Variants in MMP2 observed in about 807,000 individuals in gnomAD.
MMP2 encodes the protein matrix metallopeptidase 2.
A neutral mutation model predicts 74.8 loss-of-function variants in MMP2; 39 were observed. That is an observed-to-expected ratio of 0.52 (90% confidence interval 0.40 to 0.68). The LOEUF (loss-of-function observed/expected upper bound fraction) is 0.68, where lower values mean the gene tolerates loss of function less well. Ranked by LOEUF, MMP2 falls within the 30% of genes least tolerant of loss-of-function variation. The pLI is 0.00. For synonymous variants in MMP2, 367 were observed against 339.8 expected, an observed-to-expected ratio of 1.08 and a Z score of -0.88; for missense variants, 803 against 878.3, an observed-to-expected ratio of 0.91 and a Z score of 1.08.
chr16:55,491,742 G>T, intron 7 of MMP2, 59 bp from the exon 8 acceptor site: 6 of 1,601,962 alleles, frequency 3.7e-6, no homozygotes, highest in South Asian at 2.2e-5. Flanking sequence ...GTCAGGTCTT[G>T]ACTTCTCTCT....
At chr16:55,491,372 G>A (rs1275522610) in intron 7 of MMP2, among the ~76,000 whole-genome samples, 1 of 152,080 alleles carries the variant, frequency 6.6e-6, no homozygotes, top group African/African-American at 2.4e-5. Flanking sequence ...GGCAACATGG[G>A]GCCAGCCTAT....
intron 2 of MMP2, 41 bp from the exon 3 acceptor site, chr16:55,483,975 G>A (rs865095): frequency 4.5e-5 from 72 of 1,605,720 alleles, no homozygotes; most frequent in Non-Finnish European, 6.1e-5. Context: ...ATACACTTAT[G>A]CACATGCATA....
At chr16:55,497,141 C>G in intron 10 of MMP2, 79 bp downstream of exon 10, 2 of 1,592,876 alleles carry the variant, frequency 1.3e-6, no homozygotes, top group Non-Finnish European at 1.7e-6. Context: ...CAGGCTCACT[C>G]CCCCTCTCAA....
At position 55,489,731 on chromosome 16, in the gene MMP2, T is replaced by A; in HGVS notation, c.1087T>A (p.Cys363Ser). ...TTTCCTGGGCAACAAATATGAGAGC[T>A]GCACCAGCGCCGGCCGCAGTGACGG... ...FTFLGNKYES[C>S]TSAGRSDGKM... is the part of the protein sequence containing the mutation. The change falls in exon 7 of 13, where the codon TGC (cysteine) becomes AGC (serine). Residue 363 changes from cysteine (C) to serine (S), a missense_variant. Around this residue, in one of 3 missense-constraint regions of MMP2, gnomAD observed 555 missense variants for 592.0 expected, o/e 0.94. Coordinates refer to ENST00000219070, the MANE Select transcript of MMP2 (RefSeq NM_004530.6). 2 of 1,614,150 alleles carry A rather than the reference T, an allele frequency of 1.2e-6. No individual in the cohort carries two copies. The highest frequency in any genetic ancestry group is 1.1e-5 in the South Asian group (1 of 91,088).
At chr16:55,486,961 G>A (rs1402671916) in intron 5 of MMP2, 2 of 152,160 alleles carry the variant, frequency 1.3e-5, no homozygotes, top group African/African-American at 4.8e-5. Flanking sequence ...TACTACCAGA[G>A]CTAAACTTTA....
Position 55,483,152 on chromosome 16 carries a change from T to TG in MMP2, c.380+21dup. The TG allele has an allele frequency of 6.2e-7, 1 of 1,606,228 alleles. No individual in the cohort carries two copies. The highest frequency in any genetic ancestry group is 8.5e-7 in the Non-Finnish European group (1 of 1,173,592). On this transcript the variant is annotated intron_variant, in intron 2 of 12. Transcript: ENST00000219070. Reference sequence around the variant, plus strand: ...CACATACAGGTGCCGGGGCAGGGCTTGGGGAGGCAGGGCCATGGGGCTGAG... The same window carrying TG: ...CACATACAGGTGCCGGGGCAGGGCTTGGGGGAGGCAGGGCCATGGGGCTGAG...
intron 7 of MMP2, 71 bp downstream of exon 7, chr16:55,489,895 T>G: frequency 6.5e-7 from 1 of 1,528,298 alleles, no homozygotes; most frequent in African/African-American, 1.4e-5. Flanking sequence ...CCAAAAACCT[T>G]CCTGAGACCT....
At chr16:55,483,275 G>A (rs974990636) in intron 2 of MMP2, 140 bp downstream of exon 2, 15 of 663,184 alleles carry the variant, frequency 2.3e-5, no homozygotes, top group African/African-American at 2.2e-4. Context: ...TCAATACACA[G>A]TTCTTAGAAA....
intron 7 of MMP2, among the ~76,000 whole-genome samples, chr16:55,490,210 T>G (rs1178897637): frequency 6.6e-6 from 1 of 152,162 alleles, no homozygotes; most frequent in Non-Finnish European, 1.5e-5. Context: ...GAGACAATTC[T>G]CCTAAGAGAC....
At chr16:55,498,491 G>A (rs764671617) in intron 11 of MMP2, 43 bp downstream of exon 11, 8 of 1,613,328 alleles carry the variant, frequency 5.0e-6, no homozygotes, top group Admixed American at 3.3e-5. Context: ...AGTTGGCTGC[G>A]AGAGACAGAG....
chr16:55,497,938 G>A (rs1417052452), intron 10 of MMP2, among the ~76,000 whole-genome samples: 3 of 152,304 alleles, frequency 2.0e-5, no homozygotes, highest in South Asian at 2.1e-4. Flanking sequence ...CCAATCCACC[G>A]TAATCATGGG....
In MMP2 at chr16:55,505,400, C is replaced by T. The variant is rs112831239; in HGVS notation, c.1941C>T (p.Ser647=). ...AGCTGGAGAACCAAAGTCTGAAGAGCGTGAAGTTTGGAAGCATCAAATCCG... is the reference window on the plus strand; with the variant it reads ...AGCTGGAGAACCAAAGTCTGAAGAGTGTGAAGTTTGGAAGCATCAAATCCG... ...YLKLENQSLK[S]VKFGSIKSDW... The change falls in exon 13 of 13, where the codon AGC becomes AGT. Residue 647 remains serine, a synonymous_variant. Coordinates refer to ENST00000219070, the MANE Select transcript of MMP2 (RefSeq NM_004530.6). 3.9e-5 allele frequency: 63 copies of T among 1,614,096 alleles called. No homozygotes were observed. The highest frequency in any genetic ancestry group is 2.5e-4 in the African/African-American group (19 of 75,030).
At chr16:55,485,925 CCCCATCCTGAT>C in intron 5 of MMP2, 148 bp downstream of exon 5, 1 of 787,558 alleles carries the variant, frequency 1.3e-6, no homozygotes, top group Non-Finnish European at 2.1e-6. Context: ...CTCAGTTCCC[CCCCATCCTGAT>C]CTGAGCCATT....
chr16:55,479,599 T>G lies in MMP2; in HGVS notation c.120T>G (p.Asp40Glu). The G allele has an allele frequency of 6.2e-7, 1 of 1,613,746 alleles. No individual in the cohort carries two copies. Among genetic ancestry groups the G allele is most frequent in the African/African-American group, 1.3e-5 (1 of 75,060 alleles). The part of the protein sequence containing the change: ...APSPIIKFPG[D>E]VAPKTDKELA... ...CGCCCATCATCAAGTTCCCCGGCGA[T>G]GTCGCCCCCAAAACGGACAAAGAGT... Residue 40 changes from aspartate to glutamate, a missense_variant, in exon 1 of 13, where the codon GAT becomes GAG. Physicochemically the swap from Asp to Glu is conservative, Grantham distance 45 (BLOSUM62 2). This residue lies in a region of MMP2 where 223 missense variants were observed against 232.8 expected (regional missense o/e 0.96). Transcript: ENST00000219070.
rs932922938 is a variant in MMP2, at chr16:55,506,251, T to G, written c.*809T>G. The G allele has an allele frequency of 3.3e-5, 5 of 152,192 alleles. No individual in the cohort carries two copies. Among genetic ancestry groups the G allele is most frequent in the African/African-American group, 1.2e-4 (5 of 41,418 alleles). 9.4% of individuals were successfully genotyped at this position (152,192 alleles called of 1,614,324 possible). ...ACCTACTGAGTGGCCGTGTTTGCCA[T>G]CTGTTTTAGCAGAGCCTAGACAAGG... On this transcript the variant is annotated 3_prime_UTR_variant, in exon 13 of 13. Coordinates refer to ENST00000219070, the MANE Select transcript of MMP2 (RefSeq NM_004530.6).
intron 11 of MMP2, among the ~76,000 whole-genome samples, chr16:55,500,492 CAT>C (rs1962640163): frequency 1.6e-5 from 2 of 121,488 alleles, no homozygotes; most frequent in Non-Finnish European, 3.6e-5. Flanking sequence ...CGCATGTGCG[CAT>C]ACACACACAC....
chr16:55,493,764 A>C (rs534946560), intron 9 of MMP2, among the ~76,000 whole-genome samples: 46 of 152,374 alleles, frequency 3.0e-4, no homozygotes, highest in Non-Finnish European at 6.0e-4. Flanking sequence ...GCATAATCCT[A>C]AAATCAAAAT....
chr16:55,505,863 G>A lies in MMP2; in HGVS notation c.*421G>A, dbSNP rs1962788961. On this transcript the variant is annotated 3_prime_UTR_variant, in exon 13 of 13. Coordinates refer to ENST00000219070, the MANE Select transcript of MMP2 (RefSeq NM_004530.6). Reference sequence around the variant, plus strand: ...GCCCGACAGCCTGGCACAGGGCAGTGGGACAGGGCATGGCCAGGTGGCCAC... The same window carrying A: ...GCCCGACAGCCTGGCACAGGGCAGTAGGACAGGGCATGGCCAGGTGGCCAC... 2 of 252,696 alleles carry A rather than the reference G, an allele frequency of 7.9e-6. No homozygotes were observed. Among genetic ancestry groups the A allele is most frequent in the South Asian group, 1.1e-4 (2 of 18,494 alleles). 15.7% of individuals were successfully genotyped at this position (252,696 alleles called of 1,614,324 possible). A position where few individuals can be genotyped will look rare whatever the true frequency, so the allele number is the denominator to read the frequency against.
Position 55,496,914 on chromosome 16 carries a change from G to C in MMP2, c.1473-12G>C, listed in dbSNP as rs1289349454. 1 of 1,613,638 alleles carries C rather than the reference G, an allele frequency of 6.2e-7. No homozygotes were observed. Among genetic ancestry groups the C allele is most frequent in the Admixed American group, 1.7e-5 (1 of 60,028 alleles). ...AAGATGTGGTTTCCTGTGCCCCCTTGCCTCCTGCCAGGTTCATTTGGCGGA... is the reference window on the plus strand; with the variant it reads ...AAGATGTGGTTTCCTGTGCCCCCTTCCCTCCTGCCAGGTTCATTTGGCGGA... On this transcript the variant is annotated splice_polypyrimidine_tract_variant and intron_variant, in intron 9 of 12. Transcript: ENST00000219070.
Sources: gnomAD v4.1 joint callset for allele counts (sites outside exome capture counted in the v4.1 genomes callset) on GRCh38, gnomAD v4.1.1 for gene constraint, gnomAD v4.1.1 regional missense constraint, MANE v1.5 for transcripts, NCBI Gene and HGNC (gene_info 2026-07-23, HGNC 2026-07-21) for gene names.